Variants in NRG1 observed in about 807,000 individuals in gnomAD.
The protein encoded by NRG1 is pro-neuregulin-1, membrane-bound isoform.
In NRG1, 18 loss-of-function variants were observed where a neutral mutation model predicts 63.8. The ratio of observed to expected loss-of-function variants is 0.28; its 90% CI spans 0.19 to 0.42. The LOEUF (loss-of-function observed/expected upper bound fraction) is 0.42, where lower values mean the gene tolerates loss of function less well. Among genes scored for constraint, NRG1 ranks in the 10% least tolerant of loss-of-function variants. The probability of loss-of-function intolerance (pLI) is 1.00; values close to 1 mark genes in which losing one functional copy is unlikely to be tolerated. For synonymous variants in NRG1, 302 were observed against 301.3 expected (o/e 1.00, Z -0.02); for missense variants, 762 against 814.7 (o/e 0.94, Z 0.79).
chr8:32,089,551 T>C (rs970819374), intron 1 of NRG1, among the ~76,000 whole-genome samples: 12 of 152,176 alleles, frequency 7.9e-5, no homozygotes, highest in African/African-American at 2.9e-4. Flanking sequence ...AGGGCAACAG[T>C]CATCTTGTAT....
At chr8:32,319,835 A>ATC (rs1286338734) in intron 1 of NRG1, among the ~76,000 whole-genome samples, 2 of 152,166 alleles carry the variant, frequency 1.3e-5, no homozygotes, top group South Asian at 4.1e-4. Context: ...TTACTTATAT[A>ATC]TTTGGACTTG....
intron 1 of NRG1, among the ~76,000 whole-genome samples, chr8:32,321,248 AGCCTTACTATAACTT>A (rs1380084638): frequency 6.6e-6 from 1 of 152,164 alleles, no homozygotes; most frequent in African/African-American, 2.4e-5. Context: ...TAGGAAAGAA[AGCCTTACTATAACTT>A]GCCTTACTAT....
intron 1 of NRG1, among the ~76,000 whole-genome samples, chr8:31,855,282 G>C (rs866720224): frequency 1.3e-5 from 2 of 152,192 alleles, no homozygotes; most frequent in African/African-American, 4.8e-5. Context: ...CTTGCATTAT[G>C]AATCTGGGGG....
intron 1 of NRG1, among the ~76,000 whole-genome samples, chr8:32,159,114 CAATG>C (rs1045232919): frequency 2.0e-5 from 3 of 152,184 alleles, no homozygotes; most frequent in Admixed American, 1.3e-4. Context: ...GTAAAAATCA[CAATG>C]GATCATCCAC....
intron 1 of NRG1, among the ~76,000 whole-genome samples, chr8:31,690,286 A>G (rs977605846): frequency 5.9e-5 from 9 of 152,180 alleles, no homozygotes; most frequent in African/African-American, 2.2e-4. Context: ...TCTTCATAGC[A>G]GCATGAGAAT....
intron 5 of NRG1, among the ~76,000 whole-genome samples, chr8:32,710,345 A>G (rs982222831): frequency 1.3e-5 from 2 of 152,166 alleles, no homozygotes; most frequent in African/African-American, 4.8e-5. Flanking sequence ...GTTGTGTACA[A>G]TCAGCTTTTA....
At chr8:31,740,626 A>G (rs11774988) in intron 1 of NRG1, among the ~76,000 whole-genome samples, 32,635 of 151,750 alleles carry the variant, frequency 0.22, 3,950 homozygotes, top group Middle Eastern at 0.27. Flanking sequence ...TTCTCCATGA[A>G]GGTAACTTGG....
intron 1 of NRG1, among the ~76,000 whole-genome samples, chr8:32,402,366 T>C (rs56268916): frequency 0.26 from 39,162 of 152,118 alleles, 5,512 homozygotes; most frequent in Middle Eastern, 0.36. Flanking sequence ...CTCTGATTCG[T>C]GGCTTTGATT....
At chr8:32,388,510 A>G (rs1182638750) in intron 1 of NRG1, among the ~76,000 whole-genome samples, 1 of 152,180 alleles carries the variant, frequency 6.6e-6, no homozygotes, top group Non-Finnish European at 1.5e-5. Flanking sequence ...AGTGGCTACA[A>G]TGACATTAAG....
At chr8:31,712,450 A>G (rs1310825799) in intron 1 of NRG1, among the ~76,000 whole-genome samples, 2 of 151,580 alleles carry the variant, frequency 1.3e-5, no homozygotes, top group African/African-American at 4.9e-5. Context: ...TTGTATTTTT[A>G]GTAGAGAAGG....
chr8:31,740,333 T>C (rs1815134658), intron 1 of NRG1, among the ~76,000 whole-genome samples: 4 of 152,024 alleles, frequency 2.6e-5, no homozygotes, highest in Admixed American at 2.6e-4. Context: ...TTAATTTCAA[T>C]TTCATCTATA....
chr8:32,004,631 A>T (rs1280752912), intron 1 of NRG1, among the ~76,000 whole-genome samples: 2 of 151,988 alleles, frequency 1.3e-5, no homozygotes, highest in Non-Finnish European at 2.9e-5. Flanking sequence ...GAAAGAAAAT[A>T]TATCCAGGAG....
intron 1 of NRG1, among the ~76,000 whole-genome samples, chr8:31,821,667 G>A (rs773513929): frequency 2.0e-5 from 3 of 151,726 alleles, no homozygotes; most frequent in Non-Finnish European, 4.4e-5. Flanking sequence ...TACAGGAAAT[G>A]CAAGGCTCAT....
intron 1 of NRG1, among the ~76,000 whole-genome samples, chr8:32,130,274 AATG>A (rs1834639049): frequency 6.6e-6 from 1 of 152,114 alleles, no homozygotes; most frequent in Non-Finnish European, 1.5e-5. Flanking sequence ...AAAAAAAGCA[AATG>A]ATTGCTAAAT....
intron 1 of NRG1, among the ~76,000 whole-genome samples, chr8:31,670,819 TATGTTCAAGGGGGTGC>T (rs1308547568): frequency 6.6e-6 from 1 of 152,128 alleles, no homozygotes; most frequent in African/African-American, 2.4e-5. Context: ...ACTTTTATAT[TATGTTCAAGGGGGTGC>T]ATATGCAGGT....
At chr8:32,274,694 A>G (rs1214070596) in intron 1 of NRG1, among the ~76,000 whole-genome samples, 1 of 152,104 alleles carries the variant, frequency 6.6e-6, no homozygotes, top group Admixed American at 6.6e-5. Flanking sequence ...CATCTTCCCT[A>G]TTTTAACCCC....
intron 1 of NRG1, among the ~76,000 whole-genome samples, chr8:31,664,092 C>G (rs1037415374): frequency 1.3e-5 from 2 of 151,968 alleles, no homozygotes; most frequent in African/African-American, 2.4e-5. Flanking sequence ...ATGTTGTGTT[C>G]ATTGGTTGTT....
At chr8:32,074,161 T>C (rs1050512969) in intron 1 of NRG1, among the ~76,000 whole-genome samples, 6 of 152,192 alleles carry the variant, frequency 3.9e-5, no homozygotes, top group Non-Finnish European at 8.8e-5. Context: ...CTTATTAATT[T>C]CTGTGATGGC....
At chr8:32,674,345 T>C (rs1239733307) in intron 5 of NRG1, among the ~76,000 whole-genome samples, 1 of 152,184 alleles carries the variant, frequency 6.6e-6, no homozygotes, top group Non-Finnish European at 1.5e-5. Context: ...ACTAAAAAGC[T>C]CATGAAATTT....
Sources: allele counts gnomAD v4.1 joint callset (sites outside exome capture counted in the v4.1 genomes callset), GRCh38; gene constraint gnomAD v4.1.1; transcripts MANE v1.5; gene names NCBI Gene and HGNC (gene_info 2026-07-23, HGNC 2026-07-21).